Variants in HRG observed in about 807,000 individuals in gnomAD.
HRG encodes histidine-rich glycoprotein.
HRG carries 26 observed loss-of-function variants against 29.5 expected under a neutral mutation model. That is an observed-to-expected ratio of 0.88 (90% CI 0.65 to 1.22). The LOEUF is 1.22. HRG is among the 50% of genes most tolerant of loss of function. The probability of loss-of-function intolerance (pLI) is 0.00; values close to 1 mark genes in which losing one functional copy is unlikely to be tolerated. For missense variants in HRG, 671 were observed against 654.5 expected (o/e 1.03, Z -0.28); for synonymous variants, 243 against 240.4 (o/e 1.01, Z -0.10).
chr3:186,676,729 C>T (rs1288073560), intron 6 of HRG, among the ~76,000 whole-genome samples: 1 of 151,962 alleles, frequency 6.6e-6, no homozygotes, highest in Non-Finnish European at 1.5e-5. Context: ...AGGAGAATTG[C>T]TTGAACCTGA....
Position 186,677,848 on chromosome 3 carries a change from G to T in HRG, c.1543G>T (p.Val515Phe). The T allele has an allele frequency of 1.2e-6, 2 of 1,614,114 alleles. No individual in the cohort carries two copies. Among genetic ancestry groups the T allele is most frequent in the Non-Finnish European group, 1.7e-6 (2 of 1,179,952 alleles). ...PGKFKSGFPQ[V>F]SMFFTHTFPK ...GAAGTTCAAGAGTGGGTTTCCACAA[G>T]TTTCCATGTTTTTTACACATACATT... The change falls in exon 7 of 7, where the codon GTT becomes TTT. Residue 515 changes from valine to phenylalanine, a missense_variant. Coordinates refer to ENST00000232003, the MANE Select transcript of HRG (RefSeq NM_000412.5).
intron 4 of HRG, 132 bp from the exon 5 acceptor site, chr3:186,672,655 T>A (rs1323317128): frequency 2.8e-6 from 2 of 713,136 alleles, no homozygotes; most frequent in Admixed American, 2.1e-5. Flanking sequence ...GAAACCATTT[T>A]AAAAAATGAC....
At position 186,677,022 on chromosome 3, in the gene HRG, G is replaced by A. The variant is rs763271513; in HGVS notation, c.742-25G>A. 3 of 1,613,908 alleles carry A rather than the reference G, an allele frequency of 1.9e-6. No individual in the cohort carries two copies. In the East Asian group the frequency reaches 6.7e-5, roughly 36 times the overall value. On this transcript the variant is annotated intron_variant, in intron 6 of 6. Coordinates refer to ENST00000232003, the MANE Select transcript of HRG (RefSeq NM_000412.5). The stretch of plus-strand genomic sequence containing the variant: ...TCTTCTTTTATGTTACATGATGATA[G>A]GCACTTTTCTGTGACCTTTTCCAGG...
intron 6 of HRG, among the ~76,000 whole-genome samples, chr3:186,676,058 G>A (rs2108583333): frequency 6.6e-6 from 1 of 152,050 alleles, no homozygotes; most frequent in African/African-American, 2.4e-5. Context: ...TAGTAGAGAA[G>A]GGGTTTCTCC....
Position 186,666,114 on chromosome 3 carries a change from A to T in HRG, c.83A>T (p.Glu28Val). The change falls in exon 1 of 7, where the codon GAG (glutamate) becomes GTG (valine). Residue 28 changes from glutamate (E) to valine (V), a missense_variant. Transcript: ENST00000232003. Reference protein sequence around the residue: ...AVSPTDCSAVEPEAEKALDLI... With the variant: ...AVSPTDCSAVVPEAEKALDLI... ...AGTCCCACTGACTGCAGTGCTGTTG[A>T]GCCGGAGGCTGAGAAAGCTCTAGAC... 6.2e-7 allele frequency: 1 copy of T among 1,614,212 alleles called. No homozygotes were observed. The highest frequency in any genetic ancestry group is 8.5e-7 in the Non-Finnish European group (1 of 1,180,030).
In HRG at chr3:186,671,657, G is replaced by A. The variant is rs137953854; in HGVS notation, c.426G>A (p.Pro142=). 3.5e-5 allele frequency: 56 copies of A among 1,613,818 alleles called. No individual in the cohort carries two copies. The highest frequency in any genetic ancestry group is 5.5e-5 in the South Asian group (5 of 91,078). ...CACTGGCCAATACCAAAGATAGTCC[G>A]GTCCTCATAGATTTCTTTGAGGATA... is the stretch of plus-strand genomic sequence containing the variant. ...SSALANTKDS[P]VLIDFFEDTE... is the part of the protein sequence containing the mutation. The change falls in exon 4 of 7, where the codon CCG becomes CCA. Residue 142 remains proline (P), a synonymous_variant. Coordinates refer to ENST00000232003, the MANE Select transcript of HRG (RefSeq NM_000412.5).
At chr3:186,676,679 G>A (rs1372981813) in intron 6 of HRG, among the ~76,000 whole-genome samples, 1 of 152,038 alleles carries the variant, frequency 6.6e-6, no homozygotes, top group Non-Finnish European at 1.5e-5. Context: ...TGGGCATGGT[G>A]GCTTGGGCGT....
rs1718605714 is a variant in HRG at position 186,666,215 on chromosome 3, G to C, written c.183+1G>C. ...TGCTGATGCCCACTTGGACAGAGTG[G>C]TGAGGAATTGCCAATGGCAGAGCTG... On this transcript the variant is annotated splice_donor_variant, in intron 1 of 6. Transcript: ENST00000232003. LOFTEE classifies it high-confidence loss of function. The C allele has an allele frequency of 6.2e-7, 1 of 1,613,664 alleles. No individual in the cohort carries two copies. Among genetic ancestry groups the C allele is most frequent in the African/African-American group, 1.3e-5 (1 of 74,918 alleles).
At chr3:186,677,026 C>G in intron 6 of HRG, 21 bp from the exon 7 acceptor site, 1 of 1,614,030 alleles carries the variant, frequency 6.2e-7, no homozygotes, top group Non-Finnish European at 8.5e-7. Context: ...ATGATAGGCA[C>G]TTTTCTGTGA....
At position 186,672,874 on chromosome 3, in the gene HRG, A is replaced by G. The variant is rs373809711; in HGVS notation, c.639+7A>G. The G allele has an allele frequency of 3.2e-6, 5 of 1,576,138 alleles. No individual in the cohort carries two copies. Among genetic ancestry groups the G allele is most frequent in the South Asian group, 2.2e-5 (2 of 90,212 alleles). On this transcript the variant is annotated splice_region_variant and intron_variant, in intron 5 of 6. Transcript: ENST00000232003. ...TTTCCCCAGACACCCCAATGTGAGT[A>G]TAAGAAATGTCTGTGATCGTTGACT...
intron 3 of HRG, 73 bp downstream of exon 3, chr3:186,670,101 A>C: frequency 4.0e-5 from 33 of 815,834 alleles, no homozygotes; most frequent in Non-Finnish European, 5.9e-5. Context: ...TATTTGTCTC[A>C]TCTATGTACA....
At chr3:186,671,917 G>T (rs1718810748) in intron 4 of HRG, 128 bp downstream of exon 4, 1 of 825,810 alleles carries the variant, frequency 1.2e-6, no homozygotes, top group East Asian at 2.5e-5. Flanking sequence ...CACTTTTGAG[G>T]CCATAAAAGA....
rs1240054797 is a variant in HRG, at chr3:186,675,003, T to C, written c.640-86T>C. On this transcript the variant is annotated intron_variant, in intron 5 of 6. Coordinates refer to ENST00000232003, the MANE Select transcript of HRG (RefSeq NM_000412.5). ...CTGATTTTTCTAAAGCACTTCTTCC[T>C]TTTCTGAATGTCTGGAAGCTAACTC... The C allele has an allele frequency of 4.5e-6, 4 of 880,808 alleles. No homozygotes were observed. The African/African-American group carries it at 6.6e-5, about 14-fold the overall frequency. The allele number at this position is 880,808 out of a possible 1,614,324, so 54.6% of individuals were successfully genotyped here.
chr3:186,668,911 C>A, intron 1 of HRG, 24 bp from the exon 2 acceptor site: 1 of 1,273,450 alleles, frequency 7.9e-7, no homozygotes, highest in Non-Finnish European at 1.2e-6. Context: ...GTGCTACTCA[C>A]ATGTTGCTTT....
At chr3:186,674,720 C>T (rs981518189) in intron 5 of HRG, 2 of 342,302 alleles carry the variant, frequency 5.8e-6, no homozygotes, top group Non-Finnish European at 1.1e-5. Context: ...GTAAAAATCC[C>T]TCTTTGACAC....
chr3:186,671,141 C>T (rs929436545), intron 3 of HRG, among the ~76,000 whole-genome samples: 1 of 150,314 alleles, frequency 6.7e-6, no homozygotes, highest in Non-Finnish European at 1.5e-5. Flanking sequence ...GTTGCTTGAG[C>T]CCAGGAGTTT....
chr3:186,668,596 C>T, intron 1 of HRG: 3 of 320,474 alleles, frequency 9.4e-6, no homozygotes, highest in South Asian at 9.3e-5. Flanking sequence ...GACACAACTA[C>T]AAGGACAGAT....
In HRG at chr3:186,668,953, T is replaced by G; in HGVS notation, c.202T>G (p.Tyr68Asp). The G allele has an allele frequency of 1.2e-6, 2 of 1,603,752 alleles. No individual in the cohort carries two copies. The highest frequency in any genetic ancestry group is 2.2e-5 in the South Asian group (2 of 90,894). Reference sequence around the variant, plus strand: ...TCCTCAGGAAAATACAACTGTATATTACTTAGTCTTAGATGTGCAAGAATC... The same window carrying G: ...TCCTCAGGAAAATACAACTGTATATGACTTAGTCTTAGATGTGCAAGAATC... ...LDRVENTTVYYLVLDVQESDC... is the reference protein window; with the variant it reads ...LDRVENTTVYDLVLDVQESDC... Residue 68 changes from tyrosine (Y) to aspartate (D), a missense_variant, in exon 2 of 7, where the codon TAC becomes GAC. Transcript: ENST00000232003.
chr3:186,674,951 C>T, intron 5 of HRG, 138 bp from the exon 6 acceptor site: 2 of 738,350 alleles, frequency 2.7e-6, no homozygotes, highest in East Asian at 2.6e-5. Context: ...TGCTGAACGA[C>T]TGGTGGGAAT....
Sources: gnomAD v4.1 joint callset for allele counts (sites outside exome capture counted in the v4.1 genomes callset) on GRCh38, gnomAD v4.1.1 for gene constraint, MANE v1.5 for transcripts, NCBI Gene and HGNC (gene_info 2026-07-23, HGNC 2026-07-21) for gene names.